The following ZNF385D variants were observed in gnomAD, a reference collection of about 807,000 sequenced individuals.
The protein encoded by ZNF385D is zinc finger protein 659.
ZNF385D carries 15 observed loss-of-function variants against 35.8 expected under a neutral mutation model. That is an observed-to-expected ratio of 0.42 (90% CI 0.28 to 0.64). The LOEUF is 0.64. Among genes scored for constraint, ZNF385D ranks in the 30% least tolerant of loss-of-function variants. The pLI is 0.23. For synonymous variants in ZNF385D, 212 were observed against 186.8 expected (o/e 1.13, Z -1.10); for missense variants, 474 against 494.6 (o/e 0.96, Z 0.39).
At position 22,281,381 on chromosome 3, in the gene ZNF385D, A is replaced by G. The variant is rs572005972; in HGVS notation, c.106+91069T>C. On this transcript the variant is annotated intron_variant, in intron 2 of 5. Coordinates refer to the ZNF385D transcript ENST00000494108. ...AATGTGGGCTATGGGTTTGTAATACATGGCTTTTATTACCCTAAGATATGT... is the reference window on the plus strand; with the variant it reads ...AATGTGGGCTATGGGTTTGTAATACGTGGCTTTTATTACCCTAAGATATGT... Among the ~76,000 whole-genome samples, 87 of 152,238 alleles carry G rather than the reference A, an allele frequency of 5.7e-4. 1 individual carries two copies. In the Middle Eastern group the frequency reaches 0.024, roughly 42 times the overall value.
chr3:21,582,808 C>T (rs866544906), intron 2 of ZNF385D, among the ~76,000 whole-genome samples: 6 of 151,918 alleles, frequency 3.9e-5, no homozygotes, highest in South Asian at 2.1e-4. Flanking sequence ...GATGGAGTCT[C>T]GCTCTATGGC....
At position 22,114,967 on chromosome 3, in the gene ZNF385D, T is replaced by C. The variant is rs916438741; in HGVS notation, c.325+53850A>G. The stretch of plus-strand genomic sequence containing the variant: ...TCAACAGACACTAAATGCTAGCTTC[T>C]TGATCTTTGACTTGGCAGCCTCCAG... On this transcript the variant is annotated intron_variant, in intron 3 of 5. Transcript: ENST00000494108. 3.9e-5 allele frequency among the ~76,000 whole-genome samples: 6 copies of C among 152,196 alleles called. No homozygotes were observed. The South Asian group carries it at 1.2e-3, about 32-fold the overall frequency.
At chr3:21,923,653 A>G (rs572740194) in intron 3 of ZNF385D, among the ~76,000 whole-genome samples, 11 of 152,106 alleles carry the variant, frequency 7.2e-5, no homozygotes, top group Non-Finnish European at 1.6e-4. Context: ...TGATACATAC[A>G]CAACATGGAA....
intron 3 of ZNF385D, among the ~76,000 whole-genome samples, chr3:21,856,869 T>C (rs3860588): frequency 0.019 from 2,820 of 152,128 alleles, 93 homozygotes; most frequent in African/African-American, 0.063. Context: ...TAGAAGGTGA[T>C]TCCAAATCAC....
At chr3:21,975,287 A>G (rs986619924) in intron 3 of ZNF385D, among the ~76,000 whole-genome samples, 1 of 152,196 alleles carries the variant, frequency 6.6e-6, no homozygotes, top group Non-Finnish European at 1.5e-5. Flanking sequence ...GATATGTTAA[A>G]TGAAATAAGC....
intron 4 of ZNF385D, among the ~76,000 whole-genome samples, chr3:21,503,954 T>C (rs1706585374): frequency 6.6e-6 from 1 of 152,150 alleles, no homozygotes; most frequent in South Asian, 2.1e-4. Flanking sequence ...ATCCCTGGTT[T>C]ACAATTTCAA....
At chr3:21,992,680 G>A (rs1379212112) in intron 3 of ZNF385D, among the ~76,000 whole-genome samples, 3 of 152,254 alleles carry the variant, frequency 2.0e-5, no homozygotes, top group South Asian at 4.1e-4. Context: ...GTAATATGAT[G>A]AGCATGTTCC....
intron 3 of ZNF385D, among the ~76,000 whole-genome samples, chr3:22,099,960 T>C (rs1701841480): frequency 6.6e-6 from 1 of 151,840 alleles, no homozygotes; most frequent in Admixed American, 6.6e-5. Context: ...TTTTAAAAAA[T>C]AAAATGAACT....
At chr3:22,122,916 G>A (rs910606843) in intron 3 of ZNF385D, among the ~76,000 whole-genome samples, 3 of 152,150 alleles carry the variant, frequency 2.0e-5, no homozygotes, top group Non-Finnish European at 4.4e-5. Flanking sequence ...ATAAGTGACT[G>A]GAAAAGGAGC....
At chr3:22,063,792 T>G (rs1699804896) in intron 3 of ZNF385D, among the ~76,000 whole-genome samples, 1 of 152,200 alleles carries the variant, frequency 6.6e-6, no homozygotes, top group Non-Finnish European at 1.5e-5. Context: ...CTGGTTCATG[T>G]GGAGCTATGT....
intron 1 of ZNF385D, among the ~76,000 whole-genome samples, chr3:21,679,895 A>G (rs914516445): frequency 2.0e-5 from 3 of 152,120 alleles, no homozygotes; most frequent in Non-Finnish European, 4.4e-5. Context: ...ATGGTAACCC[A>G]TAGAAGTATA....
At position 22,216,678 on chromosome 3, in the gene ZNF385D, T is replaced by C. The variant is rs138353448; in HGVS notation, c.107-47643A>G. ...GTGTCATAGAGAAGATGGAATGTCA[T>C]GTAGTAAAGTCTGCTTGCAGCTTAC... is the stretch of plus-strand genomic sequence containing the variant. On this transcript the variant is annotated intron_variant, in intron 2 of 5. Coordinates refer to the ZNF385D transcript ENST00000494108. Among the ~76,000 whole-genome samples the C allele has an allele frequency of 7.9e-3, 1,201 of 152,242 alleles. 7 individuals are homozygous for C. Among genetic ancestry groups the C allele is most frequent in the Non-Finnish European group, 0.012 (792 of 68,012 alleles).
intron 1 of ZNF385D, among the ~76,000 whole-genome samples, chr3:21,687,112 G>C (rs1296872803): frequency 6.6e-6 from 1 of 152,156 alleles, no homozygotes; most frequent in African/African-American, 2.4e-5. Flanking sequence ...AGCCAGACCA[G>C]CTTCTGGGAG....
intron 3 of ZNF385D, among the ~76,000 whole-genome samples, chr3:22,137,208 C>G (rs886247619): frequency 6.6e-6 from 1 of 152,098 alleles, no homozygotes. Flanking sequence ...AAGTCCAGGA[C>G]CAGACGGATT....
Position 22,267,694 on chromosome 3 carries a change from A to G in ZNF385D, c.107-98659T>C, listed in dbSNP as rs144132227. Among the ~76,000 whole-genome samples, 467 of 152,082 alleles carry G rather than the reference A, an allele frequency of 3.1e-3. 1 individual carries two copies. The highest frequency in any genetic ancestry group is 1.0e-2 in the African/African-American group (415 of 41,552). Reference sequence around the variant, plus strand: ...AATATTTTGTGCAAATAACGAATCAACTTCCTAAATGCACTCCCATGTTAG... The same window carrying G: ...AATATTTTGTGCAAATAACGAATCAGCTTCCTAAATGCACTCCCATGTTAG... On this transcript the variant is annotated intron_variant, in intron 2 of 5. Transcript: ENST00000494108.
intron 3 of ZNF385D, among the ~76,000 whole-genome samples, chr3:22,050,180 A>T (rs1201804641): frequency 6.6e-6 from 1 of 151,900 alleles, no homozygotes; most frequent in Admixed American, 6.6e-5. Flanking sequence ...AGCCTGGGCA[A>T]AAAAGGAAGA....
intron 3 of ZNF385D, among the ~76,000 whole-genome samples, chr3:21,563,961 C>T (rs2063049523): frequency 6.6e-6 from 1 of 152,104 alleles, no homozygotes; most frequent in Non-Finnish European, 1.5e-5. Flanking sequence ...GAATAACTCC[C>T]TGAATAACTT....
At chr3:22,217,269 T>G (rs900220257) in intron 2 of ZNF385D, among the ~76,000 whole-genome samples, 1 of 152,154 alleles carries the variant, frequency 6.6e-6, no homozygotes, top group African/African-American at 2.4e-5. Context: ...CTTTTGCCCA[T>G]GTTTTCCCTT....
chr3:21,522,276 A>C (rs1294510798), intron 3 of ZNF385D, among the ~76,000 whole-genome samples: 1 of 152,210 alleles, frequency 6.6e-6, no homozygotes, highest in Non-Finnish European at 1.5e-5. Context: ...AACTTCTTAA[A>C]TAATGCTTTC....
Sources: allele counts gnomAD v4.1 joint callset (sites outside exome capture counted in the v4.1 genomes callset), GRCh38; gene constraint gnomAD v4.1.1; transcripts MANE v1.5; gene names NCBI Gene and HGNC (gene_info 2026-07-23, HGNC 2026-07-21).